Variants in CADM1 observed in about 807,000 individuals in gnomAD.
CADM1 encodes cell adhesion molecule 1, also known as TSLC-1.
CADM1 carries 15 observed loss-of-function variants against 53.1 expected under a neutral mutation model. The ratio of observed to expected loss-of-function variants is 0.28; its 90% CI spans 0.19 to 0.44. CADM1 has a LOEUF of 0.44. Among genes scored for constraint, CADM1 ranks in the 20% least tolerant of loss-of-function variants. The probability of loss-of-function intolerance (pLI) is 1.00; values close to 1 mark genes in which losing one functional copy is unlikely to be tolerated. For synonymous variants in CADM1, 281 were observed against 243.0 expected (o/e 1.16, Z -1.45); for missense variants, 434 against 611.3 (o/e 0.71, Z 3.06).
intron 1 of CADM1, among the ~76,000 whole-genome samples, chr11:115,437,127 T>C (rs1250884443): frequency 6.6e-6 from 1 of 152,184 alleles, no homozygotes; most frequent in African/African-American, 2.4e-5. Flanking sequence ...TAAGAGAACT[T>C]ACATGCTTGG....
At chr11:115,451,920 G>A (rs1190987594) in intron 1 of CADM1, among the ~76,000 whole-genome samples, 2 of 151,518 alleles carry the variant, frequency 1.3e-5, no homozygotes, top group African/African-American at 2.4e-5. Context: ...GGGCTGGAGG[G>A]GAAAAAAAAA....
chr11:115,436,967 T>C (rs1024841583), intron 1 of CADM1, among the ~76,000 whole-genome samples: 5 of 152,232 alleles, frequency 3.3e-5, no homozygotes, highest in African/African-American at 1.2e-4. Context: ...AACAAAGTTC[T>C]GTGAAAAGCA....
intron 1 of CADM1, among the ~76,000 whole-genome samples, chr11:115,378,932 C>A (rs1201668292): frequency 6.6e-6 from 1 of 152,140 alleles, no homozygotes; most frequent in African/African-American, 2.4e-5. Flanking sequence ...CCTTTGATGG[C>A]ACATTACGTG....
At chr11:115,333,291 G>A (rs1407527334) in intron 1 of CADM1, among the ~76,000 whole-genome samples, 1 of 152,124 alleles carries the variant, frequency 6.6e-6, no homozygotes, top group Non-Finnish European at 1.5e-5. Flanking sequence ...AAGGCTCCCA[G>A]TGCCTACAGG....
intron 1 of CADM1, among the ~76,000 whole-genome samples, chr11:115,479,425 G>T (rs987383206): frequency 8.6e-5 from 13 of 151,866 alleles, no homozygotes; most frequent in African/African-American, 2.9e-4. Context: ...TCCAAAAAAA[G>T]AAAAACACAC....
At position 115,384,515 on chromosome 11, in the gene CADM1, C is replaced by T. The variant is rs572328309; in HGVS notation, c.124+119756G>A. On this transcript the variant is annotated intron_variant, in intron 1 of 11. Coordinates refer to ENST00000331581, the MANE Select transcript of CADM1 (RefSeq NM_001301043.2). The stretch of plus-strand genomic sequence containing the variant: ...AACCACAACACAGAATCCATTCATT[C>T]TGTTTTTAATTAAAACATTTACAAA... Among the ~76,000 whole-genome samples, 3 of 152,316 alleles carry T rather than the reference C, an allele frequency of 2.0e-5. 1 individual carries two copies. In the South Asian group the frequency reaches 6.2e-4, roughly 32 times the overall value.
intron 1 of CADM1, among the ~76,000 whole-genome samples, chr11:115,497,972 C>T (rs1387292080): frequency 1.4e-5 from 2 of 144,602 alleles, no homozygotes; most frequent in African/African-American, 5.2e-5. Context: ...TGAGAAAGAG[C>T]CTCAAAAAAA....
intron 1 of CADM1, among the ~76,000 whole-genome samples, chr11:115,324,671 G>A (rs926798774): frequency 2.0e-5 from 3 of 152,116 alleles, no homozygotes; most frequent in Non-Finnish European, 4.4e-5. Context: ...TGATGAACAA[G>A]TGATAAAATG....
chr11:115,487,950 C>A (rs1949413106), intron 1 of CADM1, among the ~76,000 whole-genome samples: 1 of 151,628 alleles, frequency 6.6e-6, no homozygotes, highest in Non-Finnish European at 1.5e-5. Flanking sequence ...GTAGGTCATG[C>A]TGAAAAAGAT....
At chr11:115,200,527 C>T (rs1325663971) in intron 8 of CADM1, among the ~76,000 whole-genome samples, 3 of 151,990 alleles carry the variant, frequency 2.0e-5, no homozygotes, top group African/African-American at 7.3e-5. Context: ...TGGAGTTTCG[C>T]TCTTGTTGCC....
chr11:115,326,863 C>G (rs1466090326), intron 1 of CADM1, among the ~76,000 whole-genome samples: 2 of 152,074 alleles, frequency 1.3e-5, no homozygotes, highest in Admixed American at 6.6e-5. Context: ...AAAGGGTACA[C>G]AGAGGGTGAA....
intron 1 of CADM1, among the ~76,000 whole-genome samples, chr11:115,462,313 AG>A (rs1591269414): frequency 6.6e-6 from 1 of 152,216 alleles, no homozygotes; most frequent in Admixed American, 6.5e-5. Flanking sequence ...AAAGCAGCCC[AG>A]GAAGAGGCGA....
intron 1 of CADM1, among the ~76,000 whole-genome samples, chr11:115,469,638 T>C (rs1166947943): frequency 1.3e-5 from 2 of 151,936 alleles, no homozygotes; most frequent in African/African-American, 4.8e-5. Context: ...AGTGAAACTT[T>C]TACATAACCA....
At chr11:115,425,375 T>G (rs1341121821) in intron 1 of CADM1, among the ~76,000 whole-genome samples, 1 of 152,212 alleles carries the variant, frequency 6.6e-6, no homozygotes, top group African/African-American at 2.4e-5. Context: ...CTTTCCACAT[T>G]AGCTGTGATT....
At chr11:115,178,532 A>G (rs1939149575) in intron 11 of CADM1, 112 bp downstream of exon 11, 2 of 897,426 alleles carry the variant, frequency 2.2e-6, no homozygotes, top group Non-Finnish European at 3.6e-6. Context: ...CAGGAATCAG[A>G]TAGGCCGTGT....
intron 1 of CADM1, among the ~76,000 whole-genome samples, chr11:115,412,922 C>T (rs1947494311): frequency 6.6e-6 from 1 of 152,188 alleles, no homozygotes; most frequent in Admixed American, 6.5e-5. Context: ...AATTACTGTT[C>T]ATCTGTCACC....
chr11:115,259,456 C>T (rs1942901143), intron 1 of CADM1, among the ~76,000 whole-genome samples: 1 of 151,694 alleles, frequency 6.6e-6, no homozygotes. Context: ...CAGGCACACG[C>T]CACCACCCCC....
chr11:115,394,224 T>G (rs927644380), intron 1 of CADM1, among the ~76,000 whole-genome samples: 6 of 152,120 alleles, frequency 3.9e-5, no homozygotes, highest in African/African-American at 1.4e-4. Flanking sequence ...TTACATCAGA[T>G]CTCTATCTAA....
intron 1 of CADM1, among the ~76,000 whole-genome samples, chr11:115,499,990 A>C (rs1455425253): frequency 1.3e-5 from 2 of 152,118 alleles, no homozygotes; most frequent in East Asian, 1.9e-4. Context: ...CATACACACA[A>C]ACACACACAC....
Sources: gnomAD v4.1 joint callset for allele counts (sites outside exome capture counted in the v4.1 genomes callset) on GRCh38, gnomAD v4.1.1 for gene constraint, MANE v1.5 for transcripts, NCBI Gene and HGNC (gene_info 2026-07-23, HGNC 2026-07-21) for gene names.